The following CADM2 variants were observed in gnomAD, a reference collection of about 807,000 sequenced individuals.
The protein encoded by CADM2 is immunoglobulin superfamily member 4D.
In CADM2, 12 loss-of-function variants were observed where a neutral mutation model predicts 49.8. That is an observed-to-expected ratio of 0.24 (90% CI 0.15 to 0.39). CADM2 has a LOEUF of 0.39. CADM2 is among the 10% of genes least tolerant of loss of function. The pLI is 1.00. For synonymous variants in CADM2, 214 were observed against 175.4 expected (o/e 1.22, Z -1.74); for missense variants, 378 against 492.3 (o/e 0.77, Z 2.20).
intron 1 of CADM2, among the ~76,000 whole-genome samples, chr3:85,224,456 T>G (rs1337197588): frequency 6.6e-6 from 1 of 152,222 alleles, no homozygotes; most frequent in Non-Finnish European, 1.5e-5. Flanking sequence ...TGTTTGATTT[T>G]TTCCTTGTAA....
intron 5 of CADM2, among the ~76,000 whole-genome samples, chr3:85,891,634 C>A (rs1338313977): frequency 6.6e-6 from 1 of 152,146 alleles, no homozygotes; most frequent in African/African-American, 2.4e-5. Flanking sequence ...ACATTATTTT[C>A]CTGGCCTAGA....
At chr3:85,354,448 A>G (rs796204002) in intron 1 of CADM2, among the ~76,000 whole-genome samples, 1 of 151,676 alleles carries the variant, frequency 6.6e-6, no homozygotes, top group Non-Finnish European at 1.5e-5. Flanking sequence ...GCACATGTAT[A>G]CATATGTAAC....
intron 1 of CADM2, among the ~76,000 whole-genome samples, chr3:85,650,352 A>G (rs1237246195): frequency 6.6e-6 from 1 of 152,174 alleles, no homozygotes; most frequent in African/African-American, 2.4e-5. Context: ...TTAAAAGACA[A>G]GCAAATACAA....
intron 1 of CADM2, among the ~76,000 whole-genome samples, chr3:85,445,690 T>G (rs2107553151): frequency 6.6e-6 from 1 of 152,002 alleles, no homozygotes; most frequent in Non-Finnish European, 1.5e-5. Flanking sequence ...CTCAAGGAAT[T>G]AATAGTGGGA....
intron 6 of CADM2, among the ~76,000 whole-genome samples, chr3:85,920,600 TTACCAGC>T (rs1718978728): frequency 6.6e-6 from 1 of 151,824 alleles, no homozygotes; most frequent in African/African-American, 2.4e-5. Flanking sequence ...TTTATGTATA[TTACCAGC>T]AGTATATATT....
At chr3:85,221,748 G>T (rs2042049269) in intron 1 of CADM2, among the ~76,000 whole-genome samples, 1 of 152,128 alleles carries the variant, frequency 6.6e-6, no homozygotes, top group Admixed American at 6.5e-5. Flanking sequence ...CAGGCGTTAG[G>T]ACATCTGTCC....
chr3:85,959,997 T>G (rs573818500), intron 7 of CADM2, among the ~76,000 whole-genome samples: 61 of 151,978 alleles, frequency 4.0e-4, no homozygotes, highest in Middle Eastern at 3.4e-3. Flanking sequence ...AGAAGCTAAG[T>G]AGAACAAAAA....
intron 6 of CADM2, among the ~76,000 whole-genome samples, chr3:85,917,810 T>C (rs1718564700): frequency 6.6e-6 from 1 of 152,188 alleles, no homozygotes. Flanking sequence ...GCACGGAGTG[T>C]TCTTCCATTT....
At chr3:85,573,398 G>A (rs1343628778) in intron 1 of CADM2, among the ~76,000 whole-genome samples, 1 of 151,912 alleles carries the variant, frequency 6.6e-6, no homozygotes, top group African/African-American at 2.4e-5. Context: ...CACCATGCTG[G>A]CCAGGCTGGT....
chr3:85,802,461 A>G (rs748690579), intron 3 of CADM2, among the ~76,000 whole-genome samples: 22 of 151,944 alleles, frequency 1.4e-4, no homozygotes, highest in Non-Finnish European at 2.6e-4. Context: ...TTTCCTGTCT[A>G]GGTACCATAT....
At chr3:85,144,572 A>G (rs2039674518) in intron 1 of CADM2, among the ~76,000 whole-genome samples, 1 of 150,660 alleles carries the variant, frequency 6.6e-6, no homozygotes, top group Non-Finnish European at 1.5e-5. Context: ...AGATCGCACC[A>G]CTGCACTCCT....
chr3:84,967,568 C>G (rs1437405330), intron 1 of CADM2, among the ~76,000 whole-genome samples: 2 of 152,048 alleles, frequency 1.3e-5, no homozygotes, highest in Non-Finnish European at 1.5e-5. Context: ...CTTTACTGCT[C>G]TCTATTTTAT....
chr3:85,256,092 G>T (rs531146720), intron 1 of CADM2, among the ~76,000 whole-genome samples: 1 of 151,842 alleles, frequency 6.6e-6, no homozygotes, highest in Non-Finnish European at 1.5e-5. Flanking sequence ...CTTGATTCGT[G>T]ATCCCATTTC....
chr3:85,271,328 A>G (rs2043237877), intron 1 of CADM2, among the ~76,000 whole-genome samples: 1 of 151,344 alleles, frequency 6.6e-6, no homozygotes, highest in Admixed American at 6.6e-5. Context: ...ATCAAGGACA[A>G]AGTAAATTTT....
At chr3:85,079,688 T>A (rs1374807529) in intron 1 of CADM2, among the ~76,000 whole-genome samples, 21 of 151,838 alleles carry the variant, frequency 1.4e-4, no homozygotes. Context: ...TCTCCACATT[T>A]GATTGATATA....
At chr3:85,480,557 T>G (rs548301679) in intron 1 of CADM2, among the ~76,000 whole-genome samples, 1 of 151,984 alleles carries the variant, frequency 6.6e-6, no homozygotes, top group East Asian at 1.9e-4. Flanking sequence ...CTGTAACATC[T>G]TAGAAAAGTA....
At chr3:85,247,312 G>A (rs2042671324) in intron 1 of CADM2, among the ~76,000 whole-genome samples, 1 of 152,072 alleles carries the variant, frequency 6.6e-6, no homozygotes, top group Non-Finnish European at 1.5e-5. Flanking sequence ...TAACATTAGT[G>A]ATGAGGAATT....
At chr3:85,375,781 C>T (rs890898368) in intron 1 of CADM2, among the ~76,000 whole-genome samples, 1 of 152,114 alleles carries the variant, frequency 6.6e-6, no homozygotes, top group Admixed American at 6.6e-5. Context: ...AATTATTTCT[C>T]CAAATAATTA....
intron 1 of CADM2, among the ~76,000 whole-genome samples, chr3:85,634,519 C>G (rs970861640): frequency 6.6e-6 from 1 of 151,806 alleles, no homozygotes; most frequent in African/African-American, 2.4e-5. Flanking sequence ...GAAATAATAC[C>G]TGTGTAACAA....
Sources: gnomAD v4.1 joint callset for allele counts (sites outside exome capture counted in the v4.1 genomes callset) on GRCh38, gnomAD v4.1.1 for gene constraint, MANE v1.5 for transcripts, NCBI Gene and HGNC (gene_info 2026-07-23, HGNC 2026-07-21) for gene names.